TENM3: variants seen among roughly 807,000 people sequenced by gnomAD.
TENM3 encodes teneurin transmembrane protein 3.
Under a neutral mutation model 255.1 loss-of-function variants are expected in TENM3, and 63 were observed. The ratio of observed to expected loss-of-function variants is 0.25; its 90% CI spans 0.20 to 0.30. The LOEUF is 0.30. Ranked by LOEUF, TENM3 falls within the 10% of genes least tolerant of loss-of-function variation. TENM3 has a pLI of 1.00. For missense variants in TENM3, 2,929 were observed against 3,461.1 expected, an observed-to-expected ratio of 0.85 and a Z score of 3.86; for synonymous variants, 1,306 against 1,322.3, an observed-to-expected ratio of 0.99 and a Z score of 0.27.
At chr4:182,072,264 TAGACATTGTTCATGAAATCA>T in the TENM3 span, among the ~76,000 whole-genome samples, 13 of 152,340 alleles carry the variant, frequency 8.5e-5, no homozygotes, top group African/African-American at 3.1e-4. Flanking sequence ...AACAATAGCA[TAGACATTGTTCATGAAATCA>T]AGCATTAGGT....
the TENM3 span, among the ~76,000 whole-genome samples, chr4:181,994,691 C>T: frequency 2.0e-5 from 3 of 150,838 alleles, no homozygotes; most frequent in African/African-American, 7.3e-5. Flanking sequence ...AAAAAATCAA[C>T]AAAATTGAAA....
chr4:182,564,213 C>G (rs1743519734), intron 3 of TENM3, among the ~76,000 whole-genome samples: 1 of 151,922 alleles, frequency 6.6e-6, no homozygotes, highest in Admixed American at 6.6e-5. Flanking sequence ...CTTAAAGTAT[C>G]AGAAAGTTCC....
chr4:182,453,614 T>G lies in TENM3; in HGVS notation c.511+106685T>G, dbSNP rs567489868. Among the ~76,000 whole-genome samples, 11 of 152,262 alleles carry G rather than the reference T, an allele frequency of 7.2e-5. No homozygotes were observed. The South Asian group carries it at 2.1e-3, about 29-fold the overall frequency. ...GTGGTTATATATATTAACTTAAAAT[T>G]TGTAAAAAATTAAAACGATGTGTGG... On this transcript the variant is annotated intron_variant, in intron 3 of 27. Coordinates refer to ENST00000511685, the MANE Select transcript of TENM3 (RefSeq NM_001080477.4).
intron 3 of TENM3, among the ~76,000 whole-genome samples, chr4:182,395,507 T>A (rs1255589434): frequency 6.6e-6 from 1 of 152,142 alleles, no homozygotes; most frequent in Non-Finnish European, 1.5e-5. Context: ...CCCAAGAATA[T>A]TCAATGCTGA....
At chr4:181,867,404 C>A in the TENM3 span, among the ~76,000 whole-genome samples, 1 of 152,170 alleles carries the variant, frequency 6.6e-6, no homozygotes, top group African/African-American at 2.4e-5. Flanking sequence ...TAGGCCCCAC[C>A]TCCTCCAAAA....
At chr4:182,581,219 T>C (rs1318508945) in intron 3 of TENM3, among the ~76,000 whole-genome samples, 1 of 152,190 alleles carries the variant, frequency 6.6e-6, no homozygotes, top group Non-Finnish European at 1.5e-5. Flanking sequence ...ATTGTTTGAC[T>C]TTATTTTGAT....
At chr4:182,096,114 A>G in the TENM3 span, among the ~76,000 whole-genome samples, 1 of 141,084 alleles carries the variant, frequency 7.1e-6, no homozygotes, top group Non-Finnish European at 1.5e-5. Context: ...TGGGTGACAG[A>G]GTGAGACCCT....
chr4:182,311,309 T>G (rs1339895498), intron 1 of TENM3, among the ~76,000 whole-genome samples: 1 of 152,260 alleles, frequency 6.6e-6, no homozygotes, highest in Non-Finnish European at 1.5e-5. Context: ...AGCTGTGATC[T>G]CTGCAAATGT....
chr4:181,702,690 A>G, the TENM3 span, among the ~76,000 whole-genome samples: 4 of 152,230 alleles, frequency 2.6e-5, no homozygotes, highest in African/African-American at 9.6e-5. Flanking sequence ...ATGTAAACAT[A>G]TAAAAACATA....
the TENM3 span, among the ~76,000 whole-genome samples, chr4:181,815,910 A>G: frequency 2.6e-5 from 4 of 152,202 alleles, no homozygotes; most frequent in Non-Finnish European, 5.9e-5. Context: ...AGCATGCTTT[A>G]TATTGCTATT....
Position 182,477,658 on chromosome 4 carries a change from C to A in TENM3, c.512-123266C>A, listed in dbSNP as rs1279492676. ...TAAGACAAGCTGTATGATTAAATTA[C>A]CCAAGTTTCCAGGATTATACTTTTC... On this transcript the variant is annotated intron_variant, in intron 3 of 27. Coordinates refer to ENST00000511685, the MANE Select transcript of TENM3 (RefSeq NM_001080477.4). Among the ~76,000 whole-genome samples the A allele has an allele frequency of 3.0e-5, 4 of 134,758 alleles. No individual in the cohort carries two copies. In the East Asian group the frequency reaches 7.7e-4, roughly 26 times the overall value. 88.4% of individuals were successfully genotyped at this position (134,758 alleles called of 152,430 possible).
intron 3 of TENM3, among the ~76,000 whole-genome samples, chr4:182,367,820 G>A (rs1766535795): frequency 6.6e-6 from 1 of 152,258 alleles, no homozygotes; most frequent in Admixed American, 6.5e-5. Flanking sequence ...AAACATAATG[G>A]TTTTAGAGAA....
chr4:182,397,043 TAAA>T (rs1217523985), intron 3 of TENM3, among the ~76,000 whole-genome samples: 4 of 151,970 alleles, frequency 2.6e-5, no homozygotes, highest in Non-Finnish European at 4.4e-5. Flanking sequence ...AGTTTAATAA[TAAA>T]AGAATCTTGG....
chr4:182,087,858 AG>A, the TENM3 span, among the ~76,000 whole-genome samples: 373 of 152,324 alleles, frequency 2.4e-3, 3 homozygotes, highest in African/African-American at 8.6e-3. Context: ...TGTATTAAAA[AG>A]TTAAAATCTC....
the TENM3 span, among the ~76,000 whole-genome samples, chr4:181,540,087 G>T: frequency 9.7e-3 from 1,474 of 152,168 alleles, 23 homozygotes; most frequent in African/African-American, 0.033. Flanking sequence ...ACTAAGAAGT[G>T]CCAAAGACAG....
At chr4:181,951,123 G>A in the TENM3 span, among the ~76,000 whole-genome samples, 1 of 152,158 alleles carries the variant, frequency 6.6e-6, no homozygotes, top group South Asian at 2.1e-4. Flanking sequence ...TTTGGATAAT[G>A]TTATTTTTCC....
intron 13 of TENM3, among the ~76,000 whole-genome samples, chr4:182,719,591 T>C (rs935146836): frequency 3.3e-5 from 5 of 152,194 alleles, no homozygotes; most frequent in South Asian, 2.1e-4. Flanking sequence ...GAATTATTAC[T>C]TTTTGGGGGG....
chr4:181,641,554 G>GTGTGTATA, the TENM3 span, among the ~76,000 whole-genome samples: 7 of 26,902 alleles, frequency 2.6e-4, no homozygotes, highest in Admixed American at 6.9e-4. Context: ...TGGTGTGTGT[G>GTGTGTATA]TATATATATA....
At chr4:182,714,286 G>C in intron 13 of TENM3, 53 bp downstream of exon 13, 1 of 801,228 alleles carries the variant, frequency 1.2e-6, no homozygotes, top group East Asian at 5.1e-5. Context: ...AGGTTCGTAA[G>C]TGACAGTGAG....
Sources: gnomAD v4.1 joint callset for allele counts (sites outside exome capture counted in the v4.1 genomes callset) on GRCh38, gnomAD v4.1.1 for gene constraint, MANE v1.5 for transcripts, NCBI Gene and HGNC (gene_info 2026-07-23, HGNC 2026-07-21) for gene names.